Variants in REDIC1 observed in about 807,000 individuals in gnomAD.
REDIC1 encodes HEI10 Interacting Protein 1.
chr12:39,711,026 C>A, the REDIC1 span, among the ~76,000 whole-genome samples: 1 of 151,336 alleles, frequency 6.6e-6, no homozygotes, highest in Non-Finnish European at 1.5e-5. Context: ...TATTTGTAGT[C>A]TTTTATCCCA....
At chr12:39,764,652 G>C in the REDIC1 span, 9 of 1,582,088 alleles carry the variant, frequency 5.7e-6, no homozygotes, top group Non-Finnish European at 7.7e-6. Flanking sequence ...AAAATAGCAT[G>C]TAAGAAATTT....
At chr12:39,883,830 A>C in the REDIC1 span, among the ~76,000 whole-genome samples, 1 of 152,196 alleles carries the variant, frequency 6.6e-6, no homozygotes, top group Non-Finnish European at 1.5e-5. Flanking sequence ...AACTGGGAAA[A>C]GAGGTCAGGA....
At chr12:39,680,881 A>G in the REDIC1 span, among the ~76,000 whole-genome samples, 1 of 152,192 alleles carries the variant, frequency 6.6e-6, no homozygotes, top group Admixed American at 6.5e-5. Flanking sequence ...GTTGGAAACT[A>G]TTATTCTAAC....
At chr12:39,758,329 G>A in the REDIC1 span, 1 of 151,834 alleles carries the variant, frequency 6.6e-6, no homozygotes, top group Non-Finnish European at 1.5e-5. Context: ...TTCTCAGCTT[G>A]ATAACTGTGA....
At chr12:39,707,238 G>A in the REDIC1 span, among the ~76,000 whole-genome samples, 1 of 151,802 alleles carries the variant, frequency 6.6e-6, no homozygotes, top group Non-Finnish European at 1.5e-5. Context: ...CATACACATG[G>A]CAAAGGGGCA....
the REDIC1 span, among the ~76,000 whole-genome samples, chr12:39,809,679 C>T: frequency 1.1e-3 from 171 of 152,210 alleles, no homozygotes; most frequent in Non-Finnish European, 2.1e-3. Context: ...ACAACAGTCT[C>T]TGGTGTGTGA....
At chr12:39,851,658 A>T in the REDIC1 span, among the ~76,000 whole-genome samples, 1 of 152,188 alleles carries the variant, frequency 6.6e-6, no homozygotes, top group African/African-American at 2.4e-5. Flanking sequence ...ACATAGGAAA[A>T]CACCAATTAT....
chr12:39,731,491 G>A, the REDIC1 span, among the ~76,000 whole-genome samples: 1 of 152,220 alleles, frequency 6.6e-6, no homozygotes, highest in Non-Finnish European at 1.5e-5. Flanking sequence ...CTCCAGAACA[G>A]CAAAGATTTC....
At chr12:39,790,127 CT>C in the REDIC1 span, among the ~76,000 whole-genome samples, 131,567 of 145,614 alleles carry the variant, frequency 0.9, 60,018 homozygotes, top group East Asian at 0.98. Flanking sequence ...CTTTTGTGTT[CT>C]TTTTTTTTTT....
the REDIC1 span, among the ~76,000 whole-genome samples, chr12:39,653,193 A>G: frequency 2.0e-5 from 3 of 151,892 alleles, no homozygotes; most frequent in Non-Finnish European, 2.9e-5. Context: ...TTCTTCTTTC[A>G]TCTTCTTTAA....
At chr12:39,682,585 T>C in the REDIC1 span, 19 of 1,482,200 alleles carry the variant, frequency 1.3e-5, no homozygotes, top group Non-Finnish European at 1.7e-5. Context: ...CTTTTCTTGC[T>C]AAATATGTTT....
chr12:39,837,841 A>G, the REDIC1 span, among the ~76,000 whole-genome samples: 2 of 151,938 alleles, frequency 1.3e-5, no homozygotes, highest in Non-Finnish European at 2.9e-5. Context: ...TCAGGAAACA[A>G]CAGGTGCTGG....
At chr12:39,704,493 C>A in the REDIC1 span, among the ~76,000 whole-genome samples, 1 of 152,168 alleles carries the variant, frequency 6.6e-6, no homozygotes, top group Non-Finnish European at 1.5e-5. Context: ...ACTAGTTCAA[C>A]CATTGTAGAA....
chr12:39,902,475 T>G, the REDIC1 span, among the ~76,000 whole-genome samples: 1 of 152,122 alleles, frequency 6.6e-6, no homozygotes, highest in Non-Finnish European at 1.5e-5. Context: ...CAGTTCATAC[T>G]TCTTGTAATA....
At chr12:39,730,137 T>TG in the REDIC1 span, among the ~76,000 whole-genome samples, 1 of 152,344 alleles carries the variant, frequency 6.6e-6, no homozygotes, top group Admixed American at 6.5e-5. Context: ...GTCTTTTAAT[T>TG]GGGGCATTTA....
At chr12:39,742,382 CTCTAACA>C in the REDIC1 span, among the ~76,000 whole-genome samples, 1 of 152,104 alleles carries the variant, frequency 6.6e-6, no homozygotes, top group Non-Finnish European at 1.5e-5. Flanking sequence ...GATAAATGAA[CTCTAACA>C]TCTAACAATT....
the REDIC1 span, among the ~76,000 whole-genome samples, chr12:39,712,585 A>G: frequency 3.5e-5 from 5 of 144,766 alleles, no homozygotes; most frequent in South Asian, 8.5e-4. Flanking sequence ...GTATATATGT[A>G]TATACGTATA....
chr12:39,857,196 G>A, the REDIC1 span, among the ~76,000 whole-genome samples: 1 of 152,150 alleles, frequency 6.6e-6, no homozygotes, highest in Non-Finnish European at 1.5e-5. Flanking sequence ...ACCTTTCTCA[G>A]AAGTCTTTTA....
chr12:39,787,933 G>A, the REDIC1 span, among the ~76,000 whole-genome samples: 1 of 152,152 alleles, frequency 6.6e-6, no homozygotes, highest in Admixed American at 6.6e-5. Context: ...CCTACAAAAT[G>A]TACTTGGTAC....
Sources: allele counts gnomAD v4.1 joint callset (sites outside exome capture counted in the v4.1 genomes callset), GRCh38; gene constraint gnomAD v4.1.1; transcripts MANE v1.5; gene names NCBI Gene and HGNC (gene_info 2026-07-23, HGNC 2026-07-21).